Variants in TANC1 observed in about 807,000 individuals in gnomAD.
TANC1 encodes the protein tetratricopeptide repeat, ankyrin repeat and coiled-coil containing 1, also known as protein TANC1.
A neutral mutation model predicts 149.7 loss-of-function variants in TANC1; 77 were observed. That is an observed-to-expected ratio of 0.51 (90% CI 0.43 to 0.62). The LOEUF (loss-of-function observed/expected upper bound fraction) is 0.62, where lower values mean the gene tolerates loss of function less well. Among genes scored for constraint, TANC1 ranks in the 20% least tolerant of loss-of-function variants. The pLI, the probability that TANC1 is intolerant of heterozygous loss-of-function variation, is 0.00. For synonymous variants in TANC1, 854 were observed against 925.0 expected (o/e 0.92, Z 1.39); for missense variants, 1,985 against 2,321.8 (o/e 0.85, Z 2.98).
At position 159,186,955 on chromosome 2, in the gene TANC1, C is replaced by T. The variant is rs140214090; in HGVS notation, c.2673C>T (p.Ile891=). 4.4e-5 allele frequency: 71 copies of T among 1,614,168 alleles called. No individual in the cohort carries two copies. Among genetic ancestry groups the T allele is most frequent in the Non-Finnish European group, 5.2e-5 (61 of 1,180,004 alleles). Residue 891 remains isoleucine, a synonymous_variant, in exon 16 of 27, where the codon ATC becomes ATT. Coordinates refer to ENST00000263635, the MANE Select transcript of TANC1 (RefSeq NM_033394.3). ...CAAGCCATCTCCAAGCCCTGTGGAT[C>T]GGCTACAGCACCGAGGGGCTGTCCG... ...ISSSHLQALW[I]GYSTEGLSAA...
intron 24 of TANC1, chr2:159,227,064 T>C (rs1287752361): frequency 6.6e-6 from 1 of 152,242 alleles, no homozygotes; most frequent in Non-Finnish European, 1.5e-5. Context: ...TGGTATGTTG[T>C]AGATTTTTTC....
chr2:159,066,874 G>A (rs1427616285), intron 3 of TANC1, among the ~76,000 whole-genome samples: 2 of 152,090 alleles, frequency 1.3e-5, no homozygotes, highest in African/African-American at 4.8e-5. Flanking sequence ...GATTATTTTG[G>A]TGAATACTCA....
intron 7 of TANC1, among the ~76,000 whole-genome samples, chr2:159,158,423 G>T (rs2053662871): frequency 6.6e-6 from 1 of 152,188 alleles, no homozygotes; most frequent in Non-Finnish European, 1.5e-5. Flanking sequence ...GCATTCTGGG[G>T]CTTTCCTGTC....
At position 159,146,124 on chromosome 2, in the gene TANC1, C is replaced by A. The variant is rs188022912; in HGVS notation, c.365-3018C>A. Reference sequence around the variant, plus strand: ...GTAGACATGTATTTCCATTTCACAGCGTGTCCATGTGAGTTCCTAAGCAAC... The same window carrying A: ...GTAGACATGTATTTCCATTTCACAGAGTGTCCATGTGAGTTCCTAAGCAAC... On this transcript the variant is annotated intron_variant, in intron 5 of 26. Transcript: ENST00000263635. Among the ~76,000 whole-genome samples the A allele has an allele frequency of 1.3e-3, 204 of 152,300 alleles. No individual in the cohort carries two copies. The South Asian group carries it at 0.025, about 18-fold the overall frequency.
chr2:158,980,372 G>C (rs1226601251), intron 1 of TANC1, among the ~76,000 whole-genome samples: 1 of 151,822 alleles, frequency 6.6e-6, no homozygotes, highest in East Asian at 1.9e-4. Context: ...TCAAATCGCA[G>C]ACATCATGTA....
chr2:159,060,150 C>T, intron 2 of TANC1: 1 of 896,466 alleles, frequency 1.1e-6, no homozygotes, highest in Non-Finnish European at 1.3e-6. Flanking sequence ...ACTTTTCAAG[C>T]TTCTAACACA....
At position 158,968,798 on chromosome 2, in the gene TANC1, C is replaced by T. The variant is rs545733748; in HGVS notation, c.-126+16C>T. 1.4e-4 allele frequency: 21 copies of T among 152,550 alleles called. No homozygotes were observed. The highest frequency in any genetic ancestry group is 5.0e-4 in the African/African-American group (21 of 41,600). 9.4% of individuals were successfully genotyped at this position (152,550 alleles called of 1,614,324 possible). A position where few individuals can be genotyped will look rare whatever the true frequency, so the allele number is the denominator to read the frequency against. On this transcript the variant is annotated intron_variant, in intron 1 of 26. Transcript: ENST00000263635. Reference sequence around the variant, plus strand: ...TTCCCGGCAGGTAACTCCCGCAGCCCGGACTCCGCCGCGGGCCTGCGAGCG... The same window carrying T: ...TTCCCGGCAGGTAACTCCCGCAGCCTGGACTCCGCCGCGGGCCTGCGAGCG...
chr2:159,222,517 C>A (rs1222359798), intron 22 of TANC1, among the ~76,000 whole-genome samples: 1 of 152,190 alleles, frequency 6.6e-6, no homozygotes, highest in Non-Finnish European at 1.5e-5. Context: ...TTTCACATAG[C>A]ATAATGTTCT....
At chr2:159,150,072 G>T (rs762938838) in intron 6 of TANC1, 82 of 268,668 alleles carry the variant, frequency 3.1e-4, no homozygotes, top group Non-Finnish European at 4.9e-4. Context: ...CATTTCTGTT[G>T]TACAAATGTG....
At chr2:159,152,604 C>T (rs568536741) in intron 7 of TANC1, among the ~76,000 whole-genome samples, 1 of 152,140 alleles carries the variant, frequency 6.6e-6, no homozygotes, top group South Asian at 2.1e-4. Flanking sequence ...ATCCTCCCAC[C>T]TCAGGTTCCC....
chr2:159,048,990 T>C (rs2041274852), intron 2 of TANC1, among the ~76,000 whole-genome samples: 1 of 152,208 alleles, frequency 6.6e-6, no homozygotes, highest in African/African-American at 2.4e-5. Context: ...TGTACCACAA[T>C]GAACTGTAAA....
chr2:159,218,073 G>GTTTTT (rs557165536), intron 20 of TANC1, among the ~76,000 whole-genome samples: 205 of 122,564 alleles, frequency 1.7e-3, no homozygotes, highest in Admixed American at 3.7e-3. Context: ...TTTGTTTTTG[G>GTTTTT]TTTTTGTTTT....
At chr2:159,108,160 A>G (rs1420747295) in intron 4 of TANC1, among the ~76,000 whole-genome samples, 1 of 152,212 alleles carries the variant, frequency 6.6e-6, no homozygotes, top group Non-Finnish European at 1.5e-5. Flanking sequence ...AAAGCTGGGA[A>G]TGTACCTTTC....
At chr2:159,112,400 C>A (rs1559281537) in intron 4 of TANC1, among the ~76,000 whole-genome samples, 2 of 152,058 alleles carry the variant, frequency 1.3e-5, no homozygotes, top group African/African-American at 4.8e-5. Context: ...GGACTATGGG[C>A]AGATTCCACC....
Position 159,187,042 on chromosome 2 carries a change from CAG to C in TANC1, c.2742+23_2742+24del. ...ACGTGAAGGTGAGCAACCTTCTGCA[CAG>C]AGAGCCGGAGACCCAGCCCTGGCCG... is the stretch of plus-strand genomic sequence containing the variant. On this transcript the variant is annotated intron_variant, in intron 16 of 26. Coordinates refer to ENST00000263635, the MANE Select transcript of TANC1 (RefSeq NM_033394.3). The C allele has an allele frequency of 6.2e-7, 1 of 1,613,582 alleles. No homozygotes were observed.
At chr2:159,054,741 C>G (rs1008868967) in intron 2 of TANC1, among the ~76,000 whole-genome samples, 1 of 152,180 alleles carries the variant, frequency 6.6e-6, no homozygotes, top group Non-Finnish European at 1.5e-5. Flanking sequence ...AAAATGTCCT[C>G]AAGGTCTCTT....
chr2:159,193,681 G>A (rs569425874), intron 16 of TANC1, among the ~76,000 whole-genome samples: 2 of 151,952 alleles, frequency 1.3e-5, no homozygotes, highest in South Asian at 2.1e-4. Flanking sequence ...ACACCACCAC[G>A]CCCAGCTAAT....
chr2:159,087,467 G>GT lies in TANC1; in HGVS notation c.62-10155dup, dbSNP rs56181604. The stretch of plus-strand genomic sequence containing the variant: ...TAGATGTTGCTTTTTTTGTTTTTCC[G>GT]TTTTTTTTTTTTTTTGTCGTTGTTT... On this transcript the variant is annotated intron_variant, in intron 3 of 26. Coordinates refer to ENST00000263635, the MANE Select transcript of TANC1 (RefSeq NM_033394.3). 4.2e-3 allele frequency among the ~76,000 whole-genome samples: 573 copies of GT among 134,872 alleles called. 4 individuals carry two copies. Among genetic ancestry groups the GT allele is most frequent in the African/African-American group, 0.015 (536 of 35,988 alleles). The allele number at this position is 134,872 out of a possible 152,430, so 88.5% of individuals were successfully genotyped here. A position where few individuals can be genotyped will look rare whatever the true frequency, so the allele number is the denominator to read the frequency against.
At chr2:159,120,438 G>A (rs994261099) in intron 4 of TANC1, among the ~76,000 whole-genome samples, 5 of 152,024 alleles carry the variant, frequency 3.3e-5, no homozygotes, top group African/African-American at 1.2e-4. Context: ...TTACATGGTG[G>A]AGGGACTATT....
Sources: gnomAD v4.1 joint callset for allele counts (sites outside exome capture counted in the v4.1 genomes callset) on GRCh38, gnomAD v4.1.1 for gene constraint, MANE v1.5 for transcripts, NCBI Gene and HGNC (gene_info 2026-07-23, HGNC 2026-07-21) for gene names.